ERAP2: variants seen among roughly 807,000 people sequenced by gnomAD.
ERAP2 encodes the protein endoplasmic reticulum aminopeptidase 2.
ERAP2 carries 118 observed loss-of-function variants against 111.1 expected under a neutral mutation model. The observed-to-expected ratio is 1.06, with a 90% CI of 0.92 to 1.24. The LOEUF (loss-of-function observed/expected upper bound fraction) is 1.24, where lower values mean the gene tolerates loss of function less well. Among genes scored for constraint, ERAP2 ranks in the 50% most tolerant of loss-of-function variants. ERAP2 has a pLI of 0.00. For missense variants in ERAP2, 1,131 were observed against 1,125.8 expected, an observed-to-expected ratio of 1.00 and a Z score of -0.07; for synonymous variants, 410 against 401.2, an observed-to-expected ratio of 1.02 and a Z score of -0.26.
At chr5:96,897,357 C>G (rs1045018129) in intron 9 of ERAP2, among the ~76,000 whole-genome samples, 2 of 152,168 alleles carry the variant, frequency 1.3e-5, no homozygotes, top group African/African-American at 4.8e-5. Flanking sequence ...TCAAATGCCA[C>G]CCAACTTTTA....
chr5:96,911,259 T>C (rs1561397544), intron 15 of ERAP2, among the ~76,000 whole-genome samples: 1 of 152,214 alleles, frequency 6.6e-6, no homozygotes, highest in African/African-American at 2.4e-5. Flanking sequence ...GTACAATCTC[T>C]ACCATATGGT....
intron 17 of ERAP2, among the ~76,000 whole-genome samples, chr5:96,914,399 C>A (rs1787153489): frequency 6.6e-6 from 1 of 152,156 alleles, no homozygotes; most frequent in East Asian, 1.9e-4. Flanking sequence ...CATTTCCACT[C>A]CTCTCCCAAA....
chr5:96,895,364 G>C lies in ERAP2; in HGVS notation c.1239+5G>C, dbSNP rs747167658. The stretch of plus-strand genomic sequence containing the variant: ...ACATATCCAGAGCTGCAATTTGTAA[G>C]TTCACAATTCTGTGTATCATACTAT... On this transcript the variant is annotated splice_donor_5th_base_variant and intron_variant, in intron 7 of 18. Coordinates refer to ENST00000437043, the MANE Select transcript of ERAP2 (RefSeq NM_022350.5). 5.1e-6 allele frequency: 8 copies of C among 1,569,924 alleles called. No individual in the cohort carries two copies. In the Admixed American group the frequency reaches 1.3e-4, roughly 26 times the overall value.
At chr5:96,896,972 T>C in intron 9 of ERAP2, 109 bp downstream of exon 9, 1 of 859,908 alleles carries the variant, frequency 1.2e-6, no homozygotes, top group Non-Finnish European at 1.6e-6. Context: ...ATATTTATTC[T>C]GCTTGCTATG....
At position 96,918,507 on chromosome 5, in the gene ERAP2, G is replaced by A. The variant is rs1787685900; in HGVS notation, c.*902G>A. On this transcript the variant is annotated 3_prime_UTR_variant, in exon 19 of 19. Coordinates refer to ENST00000437043, the MANE Select transcript of ERAP2 (RefSeq NM_022350.5). ...GCCTTACATTCATGAAGAACCTCAA[G>A]GGTAGATTTTTGAGAGCATTCCAAA... The A allele has an allele frequency of 6.6e-6, 1 of 152,158 alleles. No homozygotes were observed. Among genetic ancestry groups the A allele is most frequent in the Admixed American group, 6.5e-5 (1 of 15,278 alleles). The allele number at this position is 152,158 out of a possible 1,614,324, so 9.4% of individuals were successfully genotyped here.
chr5:96,891,422 C>T (rs1784347959), intron 5 of ERAP2, among the ~76,000 whole-genome samples: 1 of 149,480 alleles, frequency 6.7e-6, no homozygotes, highest in African/African-American at 2.5e-5. Context: ...CATATACACA[C>T]ACATATACAG....
At position 96,919,676 on chromosome 5, in the gene ERAP2, GATAA is replaced by G. The variant is rs1443481655; in HGVS notation, c.*2079_*2082del. The stretch of plus-strand genomic sequence containing the variant: ...AGAATTACTGTGCCAATACTGTTTT[GATAA>G]ATAAATAGATTTTTAAAAATAAATG... On this transcript the variant is annotated 3_prime_UTR_variant, in exon 19 of 19. Transcript: ENST00000437043. 1 of 152,064 alleles carries G rather than the reference GATAA, an allele frequency of 6.6e-6. No homozygotes were observed. Among genetic ancestry groups the G allele is most frequent in the African/African-American group, 2.4e-5 (1 of 41,398 alleles). 9.4% of individuals were successfully genotyped at this position (152,064 alleles called of 1,614,324 possible).
At chr5:96,909,841 T>C (rs1786513231) in intron 15 of ERAP2, 77 bp downstream of exon 15, 1 of 1,428,748 alleles carries the variant, frequency 7.0e-7, no homozygotes, top group Non-Finnish European at 9.5e-7. Context: ...AGACATTAGG[T>C]CTAAAACCTT....
Position 96,918,228 on chromosome 5 carries a change from A to T in ERAP2, c.*623A>T, listed in dbSNP as rs1787659985. 1 of 152,378 alleles carries T rather than the reference A, an allele frequency of 6.6e-6. No individual in the cohort carries two copies. Among genetic ancestry groups the T allele is most frequent in the South Asian group, 2.1e-4 (1 of 4,834 alleles). The allele number at this position is 152,378 out of a possible 1,614,324, so 9.4% of individuals were successfully genotyped here. Reference sequence around the variant, plus strand: ...TAGATATATAGATACAGCTGTAATTATTTAGCCTCAAGTGACTTTCTCCAT... The same window carrying T: ...TAGATATATAGATACAGCTGTAATTTTTTAGCCTCAAGTGACTTTCTCCAT... On this transcript the variant is annotated 3_prime_UTR_variant, in exon 19 of 19. Coordinates refer to ENST00000437043, the MANE Select transcript of ERAP2 (RefSeq NM_022350.5).
chr5:96,893,904 A>G (rs1479054631), intron 6 of ERAP2, among the ~76,000 whole-genome samples: 1 of 152,188 alleles, frequency 6.6e-6, no homozygotes, highest in Non-Finnish European at 1.5e-5. Flanking sequence ...TGAACATGCC[A>G]GGTTGTATCA....
chr5:96,901,601 G>A lies in ERAP2; in HGVS notation c.1668G>A (p.Gly556=), dbSNP rs146257614. 2.3e-5 allele frequency: 37 copies of A among 1,613,992 alleles called. No individual in the cohort carries two copies. Among genetic ancestry groups the A allele is most frequent in the Non-Finnish European group, 3.0e-5 (35 of 1,179,992 alleles). The change falls in exon 11 of 19, where the codon GGG becomes GGA. Residue 556 remains glycine (G), a synonymous_variant. Transcript: ENST00000437043. ...CCCTGCTGGTGGTTAAACAAGACGG[G>A]TGTTCACTCCGACTGCAACAGGAGC... is the stretch of plus-strand genomic sequence containing the variant. ...GIPLLVVKQD[G]CSLRLQQERF... is the part of the protein sequence containing the mutation.
intron 2 of ERAP2, among the ~76,000 whole-genome samples, chr5:96,882,499 CTCTT>C (rs1274207887): frequency 1.3e-5 from 2 of 152,228 alleles, no homozygotes; most frequent in African/African-American, 4.8e-5. Context: ...GAATCTCTCT[CTCTT>C]TCTTCCTCAC....
At chr5:96,878,886 C>T (rs1354016052) in intron 1 of ERAP2, among the ~76,000 whole-genome samples, 2 of 152,012 alleles carry the variant, frequency 1.3e-5, no homozygotes, top group African/African-American at 4.8e-5. Flanking sequence ...CAAGATAGTG[C>T]CACTGCATTC....
At chr5:96,909,473 A>G (rs1786468384) in intron 14 of ERAP2, 107 bp from the exon 15 acceptor site, 1 of 836,394 alleles carries the variant, frequency 1.2e-6, no homozygotes, top group Non-Finnish European at 1.9e-6. Context: ...GTTTGGGGAA[A>G]GATTGGGAAA....
chr5:96,896,396 T>C lies in ERAP2; in HGVS notation c.1263T>C (p.Cys421=), dbSNP rs368463028. ...AGGATGACTATTTTTTGAATGTGTG[T>C]TTTGAAGTAATTACAAAAGATTCAT... is the stretch of plus-strand genomic sequence containing the variant. ...LQFDDYFLNV[C]FEVITKDSLN... is the part of the protein sequence containing the mutation. Residue 421 remains cysteine, a synonymous_variant, in exon 8 of 19, where the codon TGT becomes TGC. Transcript: ENST00000437043. The C allele has an allele frequency of 1.2e-6, 2 of 1,611,828 alleles. No homozygotes were observed. The highest frequency in any genetic ancestry group is 2.7e-5 in the African/African-American group (2 of 74,854).
intron 12 of ERAP2, 57 bp from the exon 13 acceptor site, chr5:96,903,320 G>T: frequency 7.5e-7 from 1 of 1,325,074 alleles, no homozygotes; most frequent in Non-Finnish European, 1.0e-6. Context: ...CAGTTCTGGA[G>T]ATGTTCTGAA....
chr5:96,911,866 C>CAAAAAAAAAAAAAAAAA (rs386358295), intron 15 of ERAP2, among the ~76,000 whole-genome samples: 2 of 56,600 alleles, frequency 3.5e-5, no homozygotes, highest in African/African-American at 6.7e-5. Flanking sequence ...GACCCTGTCT[C>CAAAAAAAAAAAAAAAAA]AAAAAAAAAA....
At position 96,918,721 on chromosome 5, in the gene ERAP2, A is replaced by T. The variant is rs542808587; in HGVS notation, c.*1116A>T. The stretch of plus-strand genomic sequence containing the variant: ...TGCCCTCACAGAGACACAAGAAAGG[A>T]ATATAATTCATACACTATTGCATTT... On this transcript the variant is annotated 3_prime_UTR_variant, in exon 19 of 19. Transcript: ENST00000437043. The T allele has an allele frequency of 2.6e-5, 4 of 152,358 alleles. No homozygotes were observed. In the South Asian group the frequency reaches 8.3e-4, roughly 32 times the overall value. The allele number at this position is 152,358 out of a possible 1,614,324, so 9.4% of individuals were successfully genotyped here.
At chr5:96,876,285 G>A (rs1389382837), upstream of ERAP2, 1 of 152,336 alleles carries the variant, frequency 6.6e-6, no homozygotes, top group Non-Finnish European at 1.5e-5. Flanking sequence ...GGCAGCCACT[G>A]GCGATCCTTT....
Sources: gnomAD v4.1 joint callset for allele counts (sites outside exome capture counted in the v4.1 genomes callset) on GRCh38, gnomAD v4.1.1 for gene constraint, MANE v1.5 for transcripts, NCBI Gene and HGNC (gene_info 2026-07-23, HGNC 2026-07-21) for gene names.